KALRN: variants seen among roughly 807,000 people sequenced by gnomAD.
The protein encoded by KALRN is kalirin.
KALRN carries 70 observed loss-of-function variants against 353.7 expected under a neutral mutation model. The ratio of observed to expected loss-of-function variants is 0.20; its 90% CI spans 0.16 to 0.24. The LOEUF (loss-of-function observed/expected upper bound fraction) is 0.24. Ranked by LOEUF, KALRN falls within the 10% of genes least tolerant of loss-of-function variation. The pLI, the probability that KALRN is intolerant of heterozygous loss-of-function variation, is 1.00. For synonymous variants in KALRN, 1,391 were observed against 1,434.8 expected, an observed-to-expected ratio of 0.97 and a Z score of 0.69; for missense variants, 2,791 against 3,756.7, an observed-to-expected ratio of 0.74 and a Z score of 6.72.
intron 10 of KALRN, among the ~76,000 whole-genome samples, chr3:124,360,309 G>A (rs1247615030): frequency 6.6e-6 from 1 of 152,190 alleles, no homozygotes; most frequent in East Asian, 1.9e-4. Context: ...AATCTGATAT[G>A]GAGGACAAGT....
chr3:124,501,892 A>G (rs2064617487), intron 33 of KALRN, among the ~76,000 whole-genome samples: 1 of 152,250 alleles, frequency 6.6e-6, no homozygotes, highest in Non-Finnish European at 1.5e-5. Flanking sequence ...TCTGGTACAT[A>G]GAAAACCAGA....
Position 124,435,422 on chromosome 3 carries a change from T to C in KALRN, c.3048+897T>C, listed in dbSNP as rs142375885. Among the ~76,000 whole-genome samples the C allele has an allele frequency of 8.3e-4, 127 of 152,312 alleles. 1 individual carries two copies. The highest frequency in any genetic ancestry group is 2.9e-3 in the African/African-American group (121 of 41,570). On this transcript the variant is annotated intron_variant, in intron 17 of 59. Coordinates refer to ENST00000682506, the MANE Select transcript of KALRN (RefSeq NM_001388419.1). ...TGTTACCCTTTCATCTGTACAGCAATATGCACAGGGCTAAGAGGATTTTTA... is the reference window on the plus strand; with the variant it reads ...TGTTACCCTTTCATCTGTACAGCAACATGCACAGGGCTAAGAGGATTTTTA...
chr3:124,174,003 C>G (rs2072291383), intron 1 of KALRN, among the ~76,000 whole-genome samples: 1 of 152,144 alleles, frequency 6.6e-6, no homozygotes, highest in South Asian at 2.1e-4. Context: ...GAGATTCACT[C>G]CAGGAGCTTT....
rs558891934 is a variant in KALRN at position 124,523,882 on chromosome 3, A to G, written c.4935+27469A>G. On this transcript the variant is annotated intron_variant, in intron 33 of 59. Coordinates refer to ENST00000682506, the MANE Select transcript of KALRN (RefSeq NM_001388419.1). ...TTCTGCTTCTATACTGTCTTTGACT[A>G]TCCAGCAGCCCAAGGCTTTAGAAGC... 2.4e-3 allele frequency among the ~76,000 whole-genome samples: 367 copies of G among 152,312 alleles called. 1 individual carries two copies. Among genetic ancestry groups the G allele is most frequent in the Admixed American group, 3.7e-3 (56 of 15,304 alleles).
At chr3:124,549,756 T>C (rs1034688264) in intron 33 of KALRN, among the ~76,000 whole-genome samples, 2 of 152,100 alleles carry the variant, frequency 1.3e-5, no homozygotes, top group East Asian at 3.9e-4. Context: ...AGGTGGGGAA[T>C]TGAGAGTTGT....
At chr3:124,670,112 A>G (rs1027370137) in intron 47 of KALRN, among the ~76,000 whole-genome samples, 9 of 152,150 alleles carry the variant, frequency 5.9e-5, no homozygotes, top group Non-Finnish European at 1.2e-4. Flanking sequence ...CTGGGATTAC[A>G]GGTGTATGCC....
intron 59 of KALRN, among the ~76,000 whole-genome samples, chr3:124,717,673 G>A (rs1007469352): frequency 6.6e-6 from 1 of 151,966 alleles, no homozygotes; most frequent in Non-Finnish European, 1.5e-5. Flanking sequence ...TGTAGCCTGG[G>A]CGACAGAGCG....
chr3:124,450,627 A>G (rs1347573709), intron 21 of KALRN, among the ~76,000 whole-genome samples: 1 of 148,540 alleles, frequency 6.7e-6, no homozygotes, highest in Non-Finnish European at 1.5e-5. Flanking sequence ...CAGTCATGTG[A>G]CCTCAGCTCA....
chr3:124,346,282 G>C (rs2082253503), intron 9 of KALRN, among the ~76,000 whole-genome samples: 2 of 151,992 alleles, frequency 1.3e-5, no homozygotes, highest in Admixed American at 6.6e-5. Context: ...TTTTACTAAG[G>C]GATTTCCATC....
intron 51 of KALRN, among the ~76,000 whole-genome samples, chr3:124,682,781 A>G (rs1418675519): frequency 6.6e-6 from 1 of 152,156 alleles, no homozygotes; most frequent in African/African-American, 2.4e-5. Context: ...CAGATTTACA[A>G]AGCTTTCCAA....
At chr3:124,184,321 G>C (rs183166370) in intron 1 of KALRN, among the ~76,000 whole-genome samples, 1 of 152,214 alleles carries the variant, frequency 6.6e-6, no homozygotes, top group Non-Finnish European at 1.5e-5. Flanking sequence ...AATTAATATG[G>C]TTGAAGAGCT....
At chr3:124,421,615 G>A (rs2092786585) in intron 14 of KALRN, among the ~76,000 whole-genome samples, 1 of 152,180 alleles carries the variant, frequency 6.6e-6, no homozygotes, top group African/African-American at 2.4e-5. Flanking sequence ...GCTCAGGACT[G>A]TTCCAAAGCT....
chr3:124,339,332 C>T (rs1337235555), intron 9 of KALRN, among the ~76,000 whole-genome samples: 2 of 152,010 alleles, frequency 1.3e-5, no homozygotes, highest in Non-Finnish European at 2.9e-5. Flanking sequence ...TTGGGTCTGC[C>T]AGGTGACAGG....
At chr3:124,144,634 C>T (rs2067086989) in intron 1 of KALRN, among the ~76,000 whole-genome samples, 1 of 150,926 alleles carries the variant, frequency 6.6e-6, no homozygotes, top group Non-Finnish European at 1.5e-5. Context: ...TCCTCTTCCT[C>T]ATCCTCCTCC....
At chr3:124,593,862 G>A (rs868558165) in intron 34 of KALRN, among the ~76,000 whole-genome samples, 2 of 151,962 alleles carry the variant, frequency 1.3e-5, no homozygotes, top group African/African-American at 4.8e-5. Flanking sequence ...ACCCTCTCCC[G>A]CCACATTCCC....
intron 10 of KALRN, among the ~76,000 whole-genome samples, chr3:124,380,937 G>A (rs766013565): frequency 6.6e-5 from 10 of 152,176 alleles, no homozygotes; most frequent in South Asian, 6.2e-4. Context: ...GGTTGATATC[G>A]TCTTTAAATC....
At chr3:124,714,224 A>C (rs74708025) in intron 58 of KALRN, among the ~76,000 whole-genome samples, 1 of 152,304 alleles carries the variant, frequency 6.6e-6, no homozygotes, top group African/African-American at 2.4e-5. Flanking sequence ...ATCTGTTTGT[A>C]GGGAACCTCC....
At chr3:124,165,725 T>C (rs2070735421) in intron 1 of KALRN, among the ~76,000 whole-genome samples, 1 of 152,218 alleles carries the variant, frequency 6.6e-6, no homozygotes, top group Admixed American at 6.5e-5. Context: ...GTATTGTAAA[T>C]ATTTTATCCA....
At chr3:124,081,014 T>C (rs2060513443) in intron 1 of KALRN, among the ~76,000 whole-genome samples, 2 of 152,222 alleles carry the variant, frequency 1.3e-5, no homozygotes, top group Admixed American at 1.3e-4. Context: ...CTTTGGTCCA[T>C]GCAGTTTATC....
Sources: gnomAD v4.1 joint callset for allele counts (sites outside exome capture counted in the v4.1 genomes callset) on GRCh38, gnomAD v4.1.1 for gene constraint, MANE v1.5 for transcripts, NCBI Gene and HGNC (gene_info 2026-07-23, HGNC 2026-07-21) for gene names.